Variants in CHCHD3 observed in about 807,000 individuals in gnomAD.
The protein encoded by CHCHD3 is MICOS complex subunit MIC19.
Under a neutral mutation model 38.2 loss-of-function variants are expected in CHCHD3, and 20 were observed. That is an observed-to-expected ratio of 0.52 (90% CI 0.37 to 0.76). The LOEUF (loss-of-function observed/expected upper bound fraction) is 0.76, where lower values mean the gene tolerates loss of function less well. Ranked by LOEUF, CHCHD3 falls within the 30% of genes least tolerant of loss-of-function variation. CHCHD3 has a pLI of 0.00. For synonymous variants in CHCHD3, 82 were observed against 100.0 expected (o/e 0.82, Z 1.07); for missense variants, 245 against 279.2 (o/e 0.88, Z 0.87).
rs1282921994 is a variant in CHCHD3, at chr7:132,874,324, T to C, written c.453+11338A>G. 3.3e-5 allele frequency among the ~76,000 whole-genome samples: 5 copies of C among 152,212 alleles called. No individual in the cohort carries two copies. In the South Asian group the frequency reaches 8.3e-4, roughly 25 times the overall value. On this transcript the variant is annotated intron_variant, in intron 5 of 7. Transcript: ENST00000262570. ...ACCATCATCAAACTTATTCTCCAGA[T>C]ACAAAGGCGCACTTTCTACGCTATG...
At chr7:133,028,900 A>AAT (rs1813424662) in intron 2 of CHCHD3, among the ~76,000 whole-genome samples, 1 of 151,296 alleles carries the variant, frequency 6.6e-6, no homozygotes, top group Non-Finnish European at 1.5e-5. Flanking sequence ...AAAAAAAAAA[A>AAT]AGAAAAGAAA....
chr7:132,924,590 TG>T (rs1810333746), intron 4 of CHCHD3, among the ~76,000 whole-genome samples: 2 of 152,186 alleles, frequency 1.3e-5, no homozygotes, highest in Non-Finnish European at 2.9e-5. Context: ...ACCTCTTTTT[TG>T]TAAAGCCTAG....
chr7:132,893,843 G>A (rs1015996042), intron 4 of CHCHD3, among the ~76,000 whole-genome samples: 1 of 152,124 alleles, frequency 6.6e-6, no homozygotes, highest in Non-Finnish European at 1.5e-5. Context: ...TGCTATGATT[G>A]TAAGGTTCCT....
At chr7:132,894,120 C>G (rs933362934) in intron 4 of CHCHD3, among the ~76,000 whole-genome samples, 2 of 151,946 alleles carry the variant, frequency 1.3e-5, no homozygotes, top group African/African-American at 4.8e-5. Context: ...TTAAATTATC[C>G]CAGAAGTTCT....
At chr7:132,863,610 TCTC>T (rs754405971) in intron 5 of CHCHD3, among the ~76,000 whole-genome samples, 3 of 152,188 alleles carry the variant, frequency 2.0e-5, no homozygotes, top group African/African-American at 7.2e-5. Flanking sequence ...GGCCCTGACT[TCTC>T]CTCTCTAGCT....
chr7:132,859,652 T>A (rs769763765), intron 5 of CHCHD3, among the ~76,000 whole-genome samples: 1 of 152,222 alleles, frequency 6.6e-6, no homozygotes, highest in Non-Finnish European at 1.5e-5. Context: ...CTAAAGATGA[T>A]GGAGAACTGC....
intron 6 of CHCHD3, among the ~76,000 whole-genome samples, chr7:132,834,146 T>C (rs1271118606): frequency 6.6e-6 from 1 of 152,164 alleles, no homozygotes; most frequent in African/African-American, 2.4e-5. Flanking sequence ...TGTCATGCAA[T>C]GCAAATATTA....
intron 4 of CHCHD3, among the ~76,000 whole-genome samples, chr7:132,920,340 T>C (rs904199487): frequency 6.6e-6 from 1 of 152,184 alleles, no homozygotes; most frequent in African/African-American, 2.4e-5. Flanking sequence ...CAGAAAAAGT[T>C]TGCTGGCCCC....
chr7:132,828,968 G>A (rs953943501), intron 6 of CHCHD3, among the ~76,000 whole-genome samples: 4 of 152,116 alleles, frequency 2.6e-5, no homozygotes, highest in African/African-American at 9.7e-5. Flanking sequence ...CCTTCTAGAA[G>A]TCTTTCTGGA....
At chr7:132,961,449 CCA>C (rs772075349) in intron 4 of CHCHD3, among the ~76,000 whole-genome samples, 1 of 152,050 alleles carries the variant, frequency 6.6e-6, no homozygotes, top group Non-Finnish European at 1.5e-5. Context: ...TTATTTTTCC[CCA>C]GTTTTACTGG....
chr7:132,983,578 G>A (rs1288717373), intron 3 of CHCHD3, among the ~76,000 whole-genome samples: 1 of 152,184 alleles, frequency 6.6e-6, no homozygotes, highest in Non-Finnish European at 1.5e-5. Flanking sequence ...AGTCTCTCCA[G>A]TAAATTGCAT....
At chr7:133,052,807 G>A (rs772385065) in intron 2 of CHCHD3, among the ~76,000 whole-genome samples, 1 of 152,148 alleles carries the variant, frequency 6.6e-6, no homozygotes, top group Non-Finnish European at 1.5e-5. Flanking sequence ...AACCTTGACC[G>A]CAGCTATGGA....
intron 5 of CHCHD3, among the ~76,000 whole-genome samples, chr7:132,879,716 T>TAAAAAAAAAAA (rs56259114): frequency 2.9e-4 from 11 of 38,430 alleles, no homozygotes; most frequent in African/African-American, 4.2e-4. Flanking sequence ...TTGTCAAAAG[T>TAAAAAAAAAAA]AAAAAAAAAA....
rs1234565627 is a variant in CHCHD3, at chr7:133,081,970, G to A, written c.-33C>T. The A allele has an allele frequency of 1.9e-5, 29 of 1,513,220 alleles. No individual in the cohort carries two copies. The highest frequency in any genetic ancestry group is 2.5e-5 in the Non-Finnish European group (28 of 1,126,778). 93.7% of individuals were successfully genotyped at this position (1,513,220 alleles called of 1,614,324 possible). ...GTTCCTGCCCCAGCGGAGACCTAGC[G>A]GGGAACCACGAGCACTTCGGGGCCC... On this transcript the variant is annotated 5_prime_UTR_variant, in exon 1 of 8. Transcript: ENST00000262570.
intron 5 of CHCHD3, among the ~76,000 whole-genome samples, chr7:132,863,603 C>T (rs1808544760): frequency 6.6e-6 from 1 of 152,122 alleles, no homozygotes; most frequent in Non-Finnish European, 1.5e-5. Flanking sequence ...GAAGCCAGGC[C>T]CTGACTTCTC....
chr7:132,872,780 A>T (rs568557238), intron 5 of CHCHD3, among the ~76,000 whole-genome samples: 1 of 152,302 alleles, frequency 6.6e-6, no homozygotes, highest in South Asian at 2.1e-4. Flanking sequence ...TAAACAAAAA[A>T]TGTCAGGCCC....
chr7:132,852,656 C>T (rs1808246180), intron 5 of CHCHD3, among the ~76,000 whole-genome samples: 1 of 152,130 alleles, frequency 6.6e-6, no homozygotes, highest in Admixed American at 6.5e-5. Flanking sequence ...CAATTAACTA[C>T]AGAGACTCAT....
At chr7:132,800,311 C>A (rs10244815) in intron 6 of CHCHD3, among the ~76,000 whole-genome samples, 56 of 151,982 alleles carry the variant, frequency 3.7e-4, no homozygotes, top group Non-Finnish European at 6.8e-4. Flanking sequence ...CAAAGAGAAA[C>A]GAAAACAGTT....
At chr7:132,957,722 C>T (rs1811218725) in intron 4 of CHCHD3, among the ~76,000 whole-genome samples, 1 of 152,150 alleles carries the variant, frequency 6.6e-6, no homozygotes, top group African/African-American at 2.4e-5. Context: ...TCAGGTGATC[C>T]ACCCACCTCA....
Sources: gnomAD v4.1 joint callset for allele counts (sites outside exome capture counted in the v4.1 genomes callset) on GRCh38, gnomAD v4.1.1 for gene constraint, MANE v1.5 for transcripts, NCBI Gene and HGNC (gene_info 2026-07-23, HGNC 2026-07-21) for gene names.